The following ROBO1 variants were observed in gnomAD, a reference collection of about 807,000 sequenced individuals.
ROBO1 encodes roundabout guidance receptor 1.
A neutral mutation model predicts 195.9 loss-of-function variants in ROBO1; 149 were observed. That is an observed-to-expected ratio of 0.76 (90% CI 0.67 to 0.87). The LOEUF (loss-of-function observed/expected upper bound fraction) is 0.87. ROBO1 is among the 40% of genes least tolerant of loss of function. The probability of loss-of-function intolerance (pLI) is 0.00; values close to 1 mark genes in which losing one functional copy is unlikely to be tolerated. For missense variants in ROBO1, 1,933 were observed against 2,068.3 expected, an observed-to-expected ratio of 0.93 and a Z score of 1.27; for synonymous variants, 816 against 733.2, an observed-to-expected ratio of 1.11 and a Z score of -1.82.
At chr3:79,432,965 T>C (rs2038736999) in intron 2 of ROBO1, among the ~76,000 whole-genome samples, 1 of 152,142 alleles carries the variant, frequency 6.6e-6, no homozygotes. Context: ...AAAGCTAAAG[T>C]AAATTATGTA....
At position 79,146,658 on chromosome 3, in the gene ROBO1, A is replaced by G. The variant is rs2080659444; in HGVS notation, c.89-21119T>C. 2.0e-5 allele frequency among the ~76,000 whole-genome samples: 3 copies of G among 152,034 alleles called. No individual in the cohort carries two copies. The South Asian group carries it at 6.2e-4, about 32-fold the overall frequency. On this transcript the variant is annotated intron_variant, in intron 2 of 30. Transcript: ENST00000464233. Reference sequence around the variant, plus strand: ...GATTTTTCATTGTTACCATTTTTGCATTATTATTTGGGACTGCAAAGAATT... The same window carrying G: ...GATTTTTCATTGTTACCATTTTTGCGTTATTATTTGGGACTGCAAAGAATT...
intron 2 of ROBO1, among the ~76,000 whole-genome samples, chr3:79,459,498 T>C (rs2039729506): frequency 6.8e-6 from 1 of 147,292 alleles, no homozygotes; most frequent in African/African-American, 2.5e-5. Context: ...GAACCAATAA[T>C]ATTTTCATTG....
At chr3:79,511,110 C>G (rs1280314084) in intron 2 of ROBO1, among the ~76,000 whole-genome samples, 2 of 151,986 alleles carry the variant, frequency 1.3e-5, no homozygotes, top group South Asian at 2.1e-4. Flanking sequence ...TTTGTTAGAG[C>G]CTTCATATTA....
chr3:78,613,148 A>T (rs1261177206), intron 28 of ROBO1, among the ~76,000 whole-genome samples: 2 of 152,198 alleles, frequency 1.3e-5, no homozygotes, highest in Non-Finnish European at 2.9e-5. Flanking sequence ...AAACATTTTT[A>T]AAAAGCATCA....
intron 2 of ROBO1, among the ~76,000 whole-genome samples, chr3:79,408,727 G>T (rs1004009912): frequency 1.3e-5 from 2 of 151,964 alleles, no homozygotes; most frequent in Non-Finnish European, 2.9e-5. Flanking sequence ...TGTAATGATA[G>T]AAAATAATTA....
chr3:79,065,889 G>A (rs1301482876), intron 3 of ROBO1, among the ~76,000 whole-genome samples: 3 of 151,852 alleles, frequency 2.0e-5, no homozygotes, highest in Non-Finnish European at 4.4e-5. Flanking sequence ...AATTATTTCA[G>A]CCAGTCTATT....
chr3:78,978,351 G>T (rs1231136456), intron 3 of ROBO1, among the ~76,000 whole-genome samples: 1 of 152,024 alleles, frequency 6.6e-6, no homozygotes, highest in Non-Finnish European at 1.5e-5. Context: ...TCTAGACTAG[G>T]TGTCTTCAGT....
rs538653020 is a variant in ROBO1, at chr3:79,458,693, T to C, written c.88+131131A>G. On this transcript the variant is annotated intron_variant, in intron 2 of 30. Coordinates refer to ENST00000464233, the MANE Select transcript of ROBO1 (RefSeq NM_002941.4). ...AGATAGAAATATTAAAACGAAACAC[T>C]ATGATTTTCCATAGGAAAAAAAAAA... Among the ~76,000 whole-genome samples, 5 of 151,858 alleles carry C rather than the reference T, an allele frequency of 3.3e-5. 1 individual carries two copies. In the South Asian group the frequency reaches 1.0e-3, roughly 32 times the overall value.
Position 79,444,273 on chromosome 3 carries a change from G to A in ROBO1, c.88+145551C>T, listed in dbSNP as rs201033793. Among the ~76,000 whole-genome samples, 665 of 151,982 alleles carry A rather than the reference G, an allele frequency of 4.4e-3. 3 individuals carry two copies. Among genetic ancestry groups the A allele is most frequent in the Non-Finnish European group, 8.3e-3 (561 of 67,912 alleles). On this transcript the variant is annotated intron_variant, in intron 2 of 30. Transcript: ENST00000464233. ...TAATGCTGTATAAAGAACTCCCAAT[G>A]TAAAAGAAAATAGCAAACAAAATGG...
intron 4 of ROBO1, among the ~76,000 whole-genome samples, chr3:78,861,560 T>C (rs957723830): frequency 3.3e-5 from 5 of 152,216 alleles, no homozygotes; most frequent in African/African-American, 1.2e-4. Context: ...CATATTGCCA[T>C]GAATCTTCGG....
intron 2 of ROBO1, among the ~76,000 whole-genome samples, chr3:79,145,364 CACACACAT>C (rs1173900718): frequency 0.062 from 989 of 15,904 alleles, 11 homozygotes; most frequent in African/African-American, 0.14. Context: ...CAGAAATACA[CACACACAT>C]ACACACACAC....
At chr3:78,713,060 A>G (rs2081803888) in intron 8 of ROBO1, among the ~76,000 whole-genome samples, 1 of 152,084 alleles carries the variant, frequency 6.6e-6, no homozygotes, top group African/African-American at 2.4e-5. Flanking sequence ...TCTTATATTT[A>G]TGCTTTCTGT....
At chr3:78,619,861 T>C (rs1158005946) in intron 26 of ROBO1, among the ~76,000 whole-genome samples, 1 of 151,138 alleles carries the variant, frequency 6.6e-6, no homozygotes, top group African/African-American at 2.4e-5. Flanking sequence ...CTACTAAAAA[T>C]ACAAAAATTA....
intron 2 of ROBO1, among the ~76,000 whole-genome samples, chr3:79,218,387 C>A (rs1215700986): frequency 3.3e-5 from 5 of 151,914 alleles, no homozygotes; most frequent in Non-Finnish European, 2.9e-5. Context: ...ATACCCAGGC[C>A]ATTTCATGCA....
intron 3 of ROBO1, among the ~76,000 whole-genome samples, chr3:79,089,882 A>G (rs2079442964): frequency 6.6e-6 from 1 of 151,212 alleles, no homozygotes; most frequent in South Asian, 2.1e-4. Context: ...TCAATTTACG[A>G]CAGTTGTTTG....
intron 1 of ROBO1, among the ~76,000 whole-genome samples, chr3:79,641,940 G>T (rs1945675945): frequency 6.6e-6 from 1 of 152,094 alleles, no homozygotes; most frequent in African/African-American, 2.4e-5. Context: ...GATTACTTGA[G>T]CCCAGGAGGT....
intron 10 of ROBO1, among the ~76,000 whole-genome samples, chr3:78,678,595 G>A (rs980836982): frequency 7.9e-5 from 12 of 151,964 alleles, no homozygotes; most frequent in Admixed American, 6.6e-4. Context: ...TAAATTCCTC[G>A]ACACATACAC....
intron 4 of ROBO1, among the ~76,000 whole-genome samples, chr3:78,928,636 G>C (rs1305983283): frequency 6.6e-6 from 1 of 152,082 alleles, no homozygotes; most frequent in Non-Finnish European, 1.5e-5. Flanking sequence ...ATCAGTTATT[G>C]ACTCTTTACT....
intron 3 of ROBO1, among the ~76,000 whole-genome samples, chr3:79,089,932 A>ATTCT (rs1213458001): frequency 2.4e-5 from 1 of 41,576 alleles, no homozygotes; most frequent in African/African-American, 8.8e-5. Context: ...TCATCCAGTT[A>ATTCT]TTCTTTCTTT....
Sources: gnomAD v4.1 joint callset for allele counts (sites outside exome capture counted in the v4.1 genomes callset) on GRCh38, gnomAD v4.1.1 for gene constraint, MANE v1.5 for transcripts, NCBI Gene and HGNC (gene_info 2026-07-23, HGNC 2026-07-21) for gene names.